RUBCNL: variants seen among roughly 807,000 people sequenced by gnomAD.
RUBCNL encodes protein associated with UVRAG as autophagy enhancer.
In RUBCNL, 62 loss-of-function variants were observed where a neutral mutation model predicts 69.5. The ratio of observed to expected loss-of-function variants is 0.89; its 90% CI spans 0.73 to 1.10. The LOEUF is 1.10. Among genes scored for constraint, RUBCNL ranks in the 50% least tolerant of loss-of-function variants. RUBCNL has a pLI of 0.00. For synonymous variants in RUBCNL, 291 were observed against 303.6 expected, an observed-to-expected ratio of 0.96 and a Z score of 0.43; for missense variants, 768 against 798.1, an observed-to-expected ratio of 0.96 and a Z score of 0.45.
chr13:46,348,042 C>A (rs2048286976), intron 12 of RUBCNL, among the ~76,000 whole-genome samples: 1 of 152,092 alleles, frequency 6.6e-6, no homozygotes, highest in Non-Finnish European at 1.5e-5. Flanking sequence ...CATGAATGAA[C>A]CTTGAGGACT....
At chr13:46,355,042 G>A (rs145980796) in intron 10 of RUBCNL, among the ~76,000 whole-genome samples, 35 of 152,310 alleles carry the variant, frequency 2.3e-4, no homozygotes, top group African/African-American at 8.4e-4. Flanking sequence ...GGTGATGCCC[G>A]TCAGGCATTA....
At chr13:46,371,863 C>A in intron 3 of RUBCNL, 78 bp downstream of exon 3, 5 of 1,450,892 alleles carry the variant, frequency 3.4e-6, no homozygotes, top group Non-Finnish European at 4.7e-6. Flanking sequence ...ATGGGGAAGA[C>A]AACAAGGCAG....
At chr13:46,365,286 G>A (rs2048726172) in intron 5 of RUBCNL, among the ~76,000 whole-genome samples, 1 of 113,176 alleles carries the variant, frequency 8.8e-6, no homozygotes, top group African/African-American at 3.5e-5. Context: ...CTGGGCAACA[G>A]AGAAAGACTC....
intron 2 of RUBCNL, among the ~76,000 whole-genome samples, chr13:46,375,842 C>T (rs543975313): frequency 3.3e-5 from 5 of 152,294 alleles, no homozygotes; most frequent in African/African-American, 1.2e-4. Context: ...CCTTGAACAA[C>T]ATGGATTTGA....
rs34432929 is a variant in RUBCNL at position 46,355,294 on chromosome 13, C to CT, written c.1330+1137dup. On this transcript the variant is annotated intron_variant, in intron 10 of 14. Transcript: ENST00000429979. ...CATTTCTGACTGAGGAAAGCCCGAG[C>CT]TTTTTTTTTTTTTTTTTTGAGACGG... is the stretch of plus-strand genomic sequence containing the variant. Among the ~76,000 whole-genome samples the CT allele has an allele frequency of 6.0e-3, 754 of 126,424 alleles. 7 individuals are homozygous for CT. Among genetic ancestry groups the CT allele is most frequent in the Middle Eastern group, 0.02 (5 of 248 alleles). The allele number at this position is 126,424 out of a possible 152,430, so 82.9% of individuals were successfully genotyped here.
At chr13:46,383,977 A>G (rs2049178869) in intron 1 of RUBCNL, among the ~76,000 whole-genome samples, 2 of 152,188 alleles carry the variant, frequency 1.3e-5, no homozygotes, top group Non-Finnish European at 2.9e-5. Context: ...GTGGACTCAA[A>G]TATCTCTTCA....
In RUBCNL at chr13:46,338,420, G is replaced by A. The variant is rs1265305510; in HGVS notation, c.*4965C>T. Among the ~76,000 whole-genome samples, 1 of 152,086 alleles carries A rather than the reference G, an allele frequency of 6.6e-6. No individual in the cohort carries two copies. The highest frequency in any genetic ancestry group is 1.5e-5 in the Non-Finnish European group (1 of 68,042). ...CCTTGGCTGCCTCTTGGTCTTAGCA[G>A]CGCAGTTCACTTTCAGGAGGCTGGA... On this transcript the variant is annotated 3_prime_UTR_variant, in exon 15 of 15. Transcript: ENST00000429979.
chr13:46,364,404 A>T (rs2048701482), intron 5 of RUBCNL, among the ~76,000 whole-genome samples: 1 of 151,972 alleles, frequency 6.6e-6, no homozygotes, highest in Admixed American at 6.6e-5. Context: ...CTCAAAAAAA[A>T]AAGAAGTTAT....
chr13:46,361,358 A>C (rs2048605727), intron 8 of RUBCNL, 83 bp downstream of exon 8: 1 of 1,467,498 alleles, frequency 6.8e-7, no homozygotes, highest in Non-Finnish European at 9.3e-7. Context: ...ATACAAGGAA[A>C]GACAAATGTT....
chr13:46,353,069 G>A (rs959746798), intron 10 of RUBCNL, among the ~76,000 whole-genome samples: 3 of 152,256 alleles, frequency 2.0e-5, no homozygotes, highest in Admixed American at 1.3e-4. Context: ...CCTGGACTGC[G>A]AAAGCTCCAG....
chr13:46,359,345 G>C, intron 9 of RUBCNL, 141 bp downstream of exon 9: 1 of 595,062 alleles, frequency 1.7e-6, no homozygotes, highest in Non-Finnish European at 2.6e-6. Flanking sequence ...AGAAAATACA[G>C]CCAACTTTCC....
intron 14 of RUBCNL, among the ~76,000 whole-genome samples, chr13:46,343,969 A>C (rs1428666550): frequency 6.6e-6 from 1 of 152,142 alleles, no homozygotes; most frequent in Admixed American, 6.5e-5. Flanking sequence ...AAGGCCACCA[A>C]ACTCCAGAGC....
intron 5 of RUBCNL, among the ~76,000 whole-genome samples, chr13:46,366,139 ACATT>A (rs1396407681): frequency 2.0e-5 from 3 of 152,152 alleles, no homozygotes; most frequent in Non-Finnish European, 4.4e-5. Flanking sequence ...TTCTCCACCC[ACATT>A]CATTTTCTCC....
At position 46,368,495 on chromosome 13, in the gene RUBCNL, T is replaced by C. The variant is rs532670255; in HGVS notation, c.618+238A>G. The C allele has an allele frequency of 8.1e-6, 8 of 985,332 alleles. No individual in the cohort carries two copies. In the East Asian group the frequency reaches 5.7e-4, roughly 70 times the overall value. The allele number at this position is 985,332 out of a possible 1,614,324, so 61.0% of individuals were successfully genotyped here. On this transcript the variant is annotated intron_variant, in intron 4 of 14. Transcript: ENST00000429979. ...ATTTCTTGTTATACAAAACCTTAGG[T>C]TGGGGGAAGCCTAATGCCAGACATC...
At chr13:46,348,452 C>T (rs1018853348) in intron 12 of RUBCNL, among the ~76,000 whole-genome samples, 20 of 152,218 alleles carry the variant, frequency 1.3e-4, no homozygotes, top group Middle Eastern at 3.4e-3. Context: ...CTCCATTATA[C>T]GGTTAGGCTG....
At chr13:46,345,415 C>T (rs929937052) in intron 13 of RUBCNL, 32 bp downstream of exon 13, 5 of 1,548,920 alleles carry the variant, frequency 3.2e-6, no homozygotes, top group South Asian at 2.4e-5. Context: ...CCTGGTGCAT[C>T]GGGAACGAAT....
chr13:46,375,673 A>T (rs572657902), intron 2 of RUBCNL, among the ~76,000 whole-genome samples: 8 of 152,338 alleles, frequency 5.3e-5, no homozygotes, highest in Admixed American at 4.6e-4. Flanking sequence ...CAATAATAAA[A>T]GTTCAGTAGA....
In RUBCNL at chr13:46,368,748, A is replaced by T; in HGVS notation, c.603T>A (p.Pro201=). 6.2e-7 allele frequency: 1 copy of T among 1,613,560 alleles called. No individual in the cohort carries two copies. Among genetic ancestry groups the T allele is most frequent in the Non-Finnish European group, 8.5e-7 (1 of 1,179,556 alleles). Residue 201 remains proline (P), a synonymous_variant, in exon 4 of 15, where the codon CCT becomes CCA. Coordinates refer to ENST00000429979, the MANE Select transcript of RUBCNL (RefSeq NM_025113.5). Reference sequence around the variant, plus strand: ...TAGCATTCACCTTTTCTACATCAACAGGCAGCACAAATACCTCTGGTGAGA... The same window carrying T: ...TAGCATTCACCTTTTCTACATCAACTGGCAGCACAAATACCTCTGGTGAGA... ...NSFSPEVFVL[P]VDVEKENAHF... is the part of the protein sequence containing the mutation.
At chr13:46,387,929 C>CG (rs1346823104), upstream of RUBCNL, 1 of 883,320 alleles carries the variant, frequency 1.1e-6, no homozygotes, top group Non-Finnish European at 1.4e-6. Flanking sequence ...AAGCTCTGGC[C>CG]GGGTGCGGTG....
Sources: allele counts gnomAD v4.1 joint callset (sites outside exome capture counted in the v4.1 genomes callset), GRCh38; gene constraint gnomAD v4.1.1; transcripts MANE v1.5; gene names NCBI Gene and HGNC (gene_info 2026-07-23, HGNC 2026-07-21).